The following SETD2 variants were observed in gnomAD, a reference collection of about 807,000 sequenced individuals.
The protein encoded by SETD2 is histone-lysine N-methyltransferase SETD2.
Under a neutral mutation model 242.1 loss-of-function variants are expected in SETD2, and 31 were observed. The ratio of observed to expected loss-of-function variants is 0.13; its 90% CI spans 0.10 to 0.17. SETD2 has a LOEUF of 0.17. Among genes scored for constraint, SETD2 ranks in the 10% least tolerant of loss-of-function variants. The pLI is 1.00. For synonymous variants in SETD2, 1,006 were observed against 1,066.5 expected, an observed-to-expected ratio of 0.94 and a Z score of 1.11; for missense variants, 2,481 against 3,046.3, an observed-to-expected ratio of 0.81 and a Z score of 4.37.
intron 3 of SETD2, among the ~76,000 whole-genome samples, chr3:47,118,449 T>C (rs1259079320): frequency 2.6e-5 from 4 of 152,098 alleles, no homozygotes; most frequent in Non-Finnish European, 5.9e-5. Context: ...AGGCCAGGCG[T>C]GGTAGCTCAC....
intron 3 of SETD2, among the ~76,000 whole-genome samples, chr3:47,117,063 C>T (rs1215257998): frequency 6.6e-6 from 1 of 151,980 alleles, no homozygotes; most frequent in African/African-American, 2.4e-5. Context: ...CAGGGTCTCT[C>T]TATGTTACTC....
chr3:47,083,870 T>C lies in SETD2; in HGVS notation c.5910A>G (p.Leu1970=), dbSNP rs2041423043. The C allele has an allele frequency of 6.2e-7, 1 of 1,614,198 alleles. No homozygotes were observed. Among genetic ancestry groups the C allele is most frequent in the South Asian group, 1.1e-5 (1 of 91,084 alleles). The change falls in exon 12 of 21, where the codon CTA becomes CTG. Residue 1970 remains leucine, a synonymous_variant. Transcript: ENST00000409792. The part of the protein sequence containing the change: ...IEPKESNGTK[L]EEPINEETPS... The stretch of plus-strand genomic sequence containing the variant: ...GTGTTTCTTCATTAATAGGTTCTTC[T>C]AGTTTTGTGCCGTTGCTCTCTTTGG...
In SETD2 at chr3:47,019,838, G is replaced by A; in HGVS notation, c.7353C>T (p.Ala2451=). 1 of 1,613,676 alleles carries A rather than the reference G, an allele frequency of 6.2e-7. No individual in the cohort carries two copies. The highest frequency in any genetic ancestry group is 8.5e-7 in the Non-Finnish European group (1 of 1,179,722). ...TPTYDENPMK[A]SKKPKTAEAD... Reference sequence around the variant, plus strand: ...CTTCTGCTGTCTTGGGCTTTTTCGAGGCCTAAAAATGGAGGAGAAAACACA... The same window carrying A: ...CTTCTGCTGTCTTGGGCTTTTTCGAAGCCTAAAAATGGAGGAGAAAACACA... Residue 2451 remains alanine, a splice_region_variant and synonymous_variant, in exon 19 of 21, where the codon GCC becomes GCT. Transcript: ENST00000409792.
intron 1 of SETD2, among the ~76,000 whole-genome samples, chr3:47,161,546 T>C (rs1312328296): frequency 1.3e-5 from 2 of 152,056 alleles, no homozygotes; most frequent in Admixed American, 6.6e-5. Context: ...ATACCTACCA[T>C]GATCCCCTCC....
intron 9 of SETD2, among the ~76,000 whole-genome samples, chr3:47,093,478 T>A (rs1263628587): frequency 6.6e-6 from 1 of 152,024 alleles, no homozygotes; most frequent in Non-Finnish European, 1.5e-5. Context: ...GAGACAGGGT[T>A]TCATCATGTT....
chr3:47,088,529 C>G (rs1169804168), intron 9 of SETD2, among the ~76,000 whole-genome samples: 1 of 152,062 alleles, frequency 6.6e-6, no homozygotes, highest in Admixed American at 6.5e-5. Context: ...AGGTGGAGAT[C>G]TGCAATGAGC....
chr3:47,113,979 A>T lies in SETD2; in HGVS notation c.4612T>A (p.Tyr1538Asn), dbSNP rs2042756676. ...ECSSRCPNGDYCSNRRFQRKQ... is the reference protein window; with the variant it reads ...ECSSRCPNGDNCSNRRFQRKQ... ...CTCTGAAACCGTCTATTGGAACAATAATCCCCATTTGGACACCGAGAAGAA... is the reference window on the plus strand; with the variant it reads ...CTCTGAAACCGTCTATTGGAACAATTATCCCCATTTGGACACCGAGAAGAA... The change falls in exon 5 of 21, where the codon TAT becomes AAT. Residue 1538 changes from tyrosine to asparagine, a missense_variant. This residue lies in a region of SETD2 where 61 missense variants were observed against 221.4 expected (regional missense o/e 0.28). Transcript: ENST00000409792. The T allele has an allele frequency of 1.2e-6, 2 of 1,612,866 alleles. No individual in the cohort carries two copies. The highest frequency in any genetic ancestry group is 1.7e-5 in the Admixed American group (1 of 59,692).
chr3:47,118,654 G>T (rs2042955210), intron 3 of SETD2, among the ~76,000 whole-genome samples: 1 of 145,762 alleles, frequency 6.9e-6, no homozygotes, highest in African/African-American at 2.5e-5. Context: ...GACAAAGTGA[G>T]ACTCTGTCTC....
Position 47,124,533 on chromosome 3 carries a change from C to A in SETD2, c.103G>T (p.Val35Leu), listed in dbSNP as rs868820087. Reference sequence around the variant, plus strand: ...CCTTTGATGAAACCTGTTTTCTGCACATTTTCAATCTTTGCCTACAAATGA... The same window carrying A: ...CCTTTGATGAAACCTGTTTTCTGCAAATTTTCAATCTTTGCCTACAAATGA... Reference protein sequence around the residue: ...EEENEAKIENVQKTGFIKGPM... With the variant: ...EEENEAKIENLQKTGFIKGPM... The change falls in exon 3 of 21, where the codon GTG becomes TTG. Residue 35 changes from valine (V) to leucine (L), a missense_variant. Val to Leu is a conservative substitution (Grantham distance 32). Around this residue, in one of 17 missense-constraint regions of SETD2, gnomAD observed 334 missense variants for 374.5 expected, o/e 0.89. Transcript: ENST00000409792. 6.5e-7 allele frequency: 1 copy of A among 1,539,190 alleles called. No homozygotes were observed. Among genetic ancestry groups the A allele is most frequent in the Non-Finnish European group, 8.8e-7 (1 of 1,140,272 alleles).
In SETD2 at chr3:47,062,033, C is replaced by T; in HGVS notation, c.6293+130G>A. ...TTAAGATTATCAGTAAAGTTGTATA[C>T]TCACTCATCAAAATGCAAATACTAA... On this transcript the variant is annotated intron_variant, in intron 14 of 20. Coordinates refer to ENST00000409792, the MANE Select transcript of SETD2 (RefSeq NM_014159.7). The T allele has an allele frequency of 4.0e-6, 3 of 745,662 alleles. No homozygotes were observed. The South Asian group carries it at 5.4e-5, about 13-fold the overall frequency. The allele number at this position is 745,662 out of a possible 1,614,324, so 46.2% of individuals were successfully genotyped here.
intron 18 of SETD2, among the ~76,000 whole-genome samples, chr3:47,026,655 G>A (rs1393314730): frequency 3.9e-5 from 6 of 152,078 alleles, no homozygotes; most frequent in Non-Finnish European, 7.3e-5. Flanking sequence ...TCTTTTGCAG[G>A]GACATGGATA....
At chr3:47,087,992 C>CAAAT (rs200217216) in intron 10 of SETD2, 121 bp downstream of exon 10, 202 of 530,374 alleles carry the variant, frequency 3.8e-4, no homozygotes, top group African/African-American at 3.4e-3. Context: ...AACAAACAAA[C>CAAAT]AAATAAATAA....
chr3:47,026,493 A>G (rs1442263339), intron 18 of SETD2, among the ~76,000 whole-genome samples: 1 of 152,218 alleles, frequency 6.6e-6, no homozygotes, highest in African/African-American at 2.4e-5. Context: ...TACTGTAAAG[A>G]CACATGCACA....
intron 15 of SETD2, among the ~76,000 whole-genome samples, chr3:47,056,104 T>TTATA (rs1292484333): frequency 9.8e-6 from 1 of 101,988 alleles, no homozygotes; most frequent in Non-Finnish European, 2.6e-5. Flanking sequence ...TTTTATTTAT[T>TTATA]TATTTATTTA....
rs1285983711 is a variant in SETD2, at chr3:47,086,221, C to G, written c.5371G>C (p.Glu1791Gln). 6.2e-7 allele frequency: 1 copy of G among 1,613,092 alleles called. No homozygotes were observed. Among genetic ancestry groups the G allele is most frequent in the African/African-American group, 1.3e-5 (1 of 74,896 alleles). The change falls in exon 11 of 21, where the codon GAA becomes CAA. Residue 1791 changes from glutamate (E) to glutamine (Q), a missense_variant. Glu to Gln is a conservative substitution (Grantham distance 29). This residue lies in a region of SETD2 where 62 missense variants were observed against 136.7 expected (regional missense o/e 0.45). Coordinates refer to ENST00000409792, the MANE Select transcript of SETD2 (RefSeq NM_014159.7). ...IWMAELGDGR[E>Q]SNQKLQEEII... The stretch of plus-strand genomic sequence containing the variant: ...TCTTCCTGAAGCTTCTGGTTACTTT[C>G]CCGGCCGTCACCTAGCTCTGCCATC...
In SETD2 at chr3:47,036,880, C is replaced by T. The variant is rs1328100071; in HGVS notation, c.7350+786G>A. ...TTGTACCACTGCACTCCAGCCCGGG[C>T]AACAGAGTGAGACTCCGTCTCATTT... On this transcript the variant is annotated intron_variant, in intron 18 of 20. Transcript: ENST00000409792. 2.8e-5 allele frequency among the ~76,000 whole-genome samples: 4 copies of T among 141,568 alleles called. No homozygotes were observed. In the East Asian group the frequency reaches 6.1e-4, roughly 22 times the overall value. The allele number at this position is 141,568 out of a possible 152,430, so 92.9% of individuals were successfully genotyped here.
intron 15 of SETD2, among the ~76,000 whole-genome samples, chr3:47,056,094 TTTTATTTATTTATTTA>T (rs145910690): frequency 0.14 from 15,745 of 115,204 alleles, 1,336 homozygotes; most frequent in Non-Finnish European, 0.19. Context: ...AAAACATGAT[TTTTATTTATTTATTTA>T]TTTATTTATT....
intron 1 of SETD2, among the ~76,000 whole-genome samples, chr3:47,158,781 G>A (rs957452209): frequency 9.2e-5 from 14 of 152,104 alleles, no homozygotes; most frequent in Non-Finnish European, 1.8e-4. Context: ...AGAGTCACCT[G>A]CATATTTTAT....
intron 1 of SETD2, chr3:47,127,582 C>A: frequency 2.2e-6 from 1 of 452,178 alleles, no homozygotes; most frequent in South Asian, 1.6e-5. Context: ...AATTTTTAGG[C>A]CAGGTGCGGT....
Sources: gnomAD v4.1 joint callset for allele counts (sites outside exome capture counted in the v4.1 genomes callset) on GRCh38, gnomAD v4.1.1 for gene constraint, gnomAD v4.1.1 regional missense constraint, MANE v1.5 for transcripts, NCBI Gene and HGNC (gene_info 2026-07-23, HGNC 2026-07-21) for gene names.